The following RARB variants were observed in gnomAD, a reference collection of about 807,000 sequenced individuals.
The protein encoded by RARB is HBV-activated protein.
RARB carries 17 observed loss-of-function variants against 51.9 expected under a neutral mutation model. The observed-to-expected ratio is 0.33, with a 90% confidence interval of 0.22 to 0.49. The LOEUF is 0.49. RARB is among the 20% of genes least tolerant of loss of function. The probability of loss-of-function intolerance (pLI) is 0.99; values close to 1 mark genes in which losing one functional copy is unlikely to be tolerated. For missense variants in RARB, 369 were observed against 550.8 expected (o/e 0.67, Z 3.30); for synonymous variants, 215 against 195.4 (o/e 1.10, Z -0.84).
At chr3:25,046,047 G>T (rs1326490454) in intron 2 of RARB, among the ~76,000 whole-genome samples, 1 of 152,220 alleles carries the variant, frequency 6.6e-6, no homozygotes, top group African/African-American at 2.4e-5. Context: ...TGTTGGCTTT[G>T]TAAATCATGT....
intron 2 of RARB, among the ~76,000 whole-genome samples, chr3:24,898,621 C>T (rs375348786): frequency 6.6e-6 from 1 of 152,096 alleles, no homozygotes; most frequent in Admixed American, 6.6e-5. Flanking sequence ...GGGGTGAATA[C>T]TTTTTCTTCT....
intron 5 of RARB, among the ~76,000 whole-genome samples, chr3:25,386,447 A>G (rs1275926235): frequency 2.0e-5 from 3 of 152,178 alleles, no homozygotes; most frequent in African/African-American, 7.2e-5. Context: ...AAGAAGGAAA[A>G]AAGTAGCTTT....
Position 25,014,699 on chromosome 3 carries a change from C to G in RARB, c.-379-45426C>G, listed in dbSNP as rs991087856. Reference sequence around the variant, plus strand: ...ACTAAGTGGTGGGATAGTTTTCTATCCAGCAGTAGAGGACTGGCATAGTCT... The same window carrying G: ...ACTAAGTGGTGGGATAGTTTTCTATGCAGCAGTAGAGGACTGGCATAGTCT... On this transcript the variant is annotated intron_variant, in intron 2 of 11. Transcript: ENST00000383772. 1.5e-4 allele frequency among the ~76,000 whole-genome samples: 23 copies of G among 152,022 alleles called. 1 individual carries two copies. The highest frequency in any genetic ancestry group is 1.2e-3 in the Admixed American group (18 of 15,242).
At chr3:24,877,967 AAT>A (rs1357276684) in intron 2 of RARB, among the ~76,000 whole-genome samples, 1 of 152,216 alleles carries the variant, frequency 6.6e-6, no homozygotes, top group Non-Finnish European at 1.5e-5. Flanking sequence ...GAAAAGACAA[AAT>A]AGACAATCAT....
intron 2 of RARB, among the ~76,000 whole-genome samples, chr3:24,956,007 A>T (rs892732904): frequency 1.3e-5 from 2 of 152,064 alleles, no homozygotes; most frequent in African/African-American, 4.8e-5. Flanking sequence ...AAACAGTTGC[A>T]CTCAGGCTGT....
chr3:25,543,815 C>T (rs534963386), intron 3 of RARB, among the ~76,000 whole-genome samples: 30 of 152,102 alleles, frequency 2.0e-4, no homozygotes, highest in Non-Finnish European at 3.7e-4. Flanking sequence ...TAGATGCACC[C>T]CCATGATCTT....
chr3:25,255,361 A>G (rs1019145911), intron 5 of RARB, among the ~76,000 whole-genome samples: 7 of 152,186 alleles, frequency 4.6e-5, no homozygotes, highest in African/African-American at 1.7e-4. Context: ...TTTCCCTCAT[A>G]CCTTGAACAT....
intron 5 of RARB, among the ~76,000 whole-genome samples, chr3:25,411,586 G>A (rs569325724): frequency 7.9e-5 from 12 of 152,260 alleles, no homozygotes; most frequent in Non-Finnish European, 1.3e-4. Context: ...CTGGCCTCAC[G>A]CACTAAATGC....
At chr3:24,945,169 T>A (rs564973324) in intron 2 of RARB, among the ~76,000 whole-genome samples, 2 of 152,348 alleles carry the variant, frequency 1.3e-5, no homozygotes, top group African/African-American at 4.8e-5. Context: ...TTTGTAAACT[T>A]CTTTTGGTTT....
At chr3:25,346,377 C>G (rs1376499051) in intron 5 of RARB, among the ~76,000 whole-genome samples, 1 of 152,054 alleles carries the variant, frequency 6.6e-6, no homozygotes, top group Non-Finnish European at 1.5e-5. Flanking sequence ...TAGTCATCAG[C>G]CCCAAATGCT....
At chr3:25,494,250 T>TAC (rs142658742) in intron 2 of RARB, among the ~76,000 whole-genome samples, 22 of 137,172 alleles carry the variant, frequency 1.6e-4, no homozygotes, top group African/African-American at 5.4e-4. Context: ...AGCTGTATCT[T>TAC]ACGCACACAC....
At chr3:24,853,262 AGCC>A (rs1278186092) in intron 1 of RARB, among the ~76,000 whole-genome samples, 2 of 152,176 alleles carry the variant, frequency 1.3e-5, no homozygotes, top group African/African-American at 4.8e-5. Context: ...GCTTGCAGTG[AGCC>A]CAGATCGCGC....
chr3:24,961,393 G>A (rs923583352), intron 2 of RARB, among the ~76,000 whole-genome samples: 5 of 152,206 alleles, frequency 3.3e-5, no homozygotes, highest in African/African-American at 7.2e-5. Flanking sequence ...ACAGACTAAC[G>A]GCTTCATCAC....
chr3:25,573,556 A>T (rs1164269757), intron 4 of RARB, among the ~76,000 whole-genome samples: 2 of 152,108 alleles, frequency 1.3e-5, no homozygotes, highest in African/African-American at 4.8e-5. Flanking sequence ...CATTTGTACT[A>T]TCTCTCCCCA....
At position 25,076,725 on chromosome 3, in the gene RARB, A is replaced by G. The variant is rs114985709; in HGVS notation, c.-328+16549A>G. ...TTTTTGTTTTGTTAAAAAGCTTTGT[A>G]TTTTTTTTGCTTTTTAATAAAACCA... On this transcript the variant is annotated intron_variant, in intron 3 of 11. Transcript: ENST00000383772. Among the ~76,000 whole-genome samples, 950 of 151,870 alleles carry G rather than the reference A, an allele frequency of 6.3e-3. 7 individuals are homozygous for G. Among genetic ancestry groups the G allele is most frequent in the African/African-American group, 0.021 (889 of 41,430 alleles).
At chr3:24,914,014 G>A (rs1274513811) in intron 2 of RARB, among the ~76,000 whole-genome samples, 3 of 152,162 alleles carry the variant, frequency 2.0e-5, no homozygotes, top group Non-Finnish European at 4.4e-5. Flanking sequence ...GCAAAAGGTA[G>A]CCACAGGGAA....
chr3:24,906,431 A>T (rs1254940312), intron 2 of RARB, among the ~76,000 whole-genome samples: 1 of 152,192 alleles, frequency 6.6e-6, no homozygotes, highest in African/African-American at 2.4e-5. Context: ...CCATTTAAAG[A>T]CCAGGATAGT....
intron 2 of RARB, among the ~76,000 whole-genome samples, chr3:24,938,870 C>T (rs190791315): frequency 3.9e-4 from 60 of 152,314 alleles, no homozygotes; most frequent in African/African-American, 1.3e-3. Flanking sequence ...TTTCAAGGCT[C>T]ATCAATGTTG....
intron 3 of RARB, among the ~76,000 whole-genome samples, chr3:25,537,789 A>G (rs1699203588): frequency 1.3e-5 from 2 of 151,664 alleles, no homozygotes; most frequent in Admixed American, 6.6e-5. Flanking sequence ...CAAAATGAAG[A>G]CTCTTGCTCT....
Sources: gnomAD v4.1 joint callset for allele counts (sites outside exome capture counted in the v4.1 genomes callset) on GRCh38, gnomAD v4.1.1 for gene constraint, MANE v1.5 for transcripts, NCBI Gene and HGNC (gene_info 2026-07-23, HGNC 2026-07-21) for gene names.